CARMIL1: variants seen among roughly 807,000 people sequenced by gnomAD.
CARMIL1 encodes the protein capping protein regulator and myosin 1 linker 1, also known as F-actin-uncapping protein LRRC16A.
CARMIL1 carries 90 observed loss-of-function variants against 177.1 expected under a neutral mutation model. That is an observed-to-expected ratio of 0.51 (90% CI 0.43 to 0.61). CARMIL1 has a LOEUF of 0.61. Ranked by LOEUF, CARMIL1 falls within the 20% of genes least tolerant of loss-of-function variation. The pLI, the probability that CARMIL1 is intolerant of heterozygous loss-of-function variation, is 0.00. For missense variants in CARMIL1, 1,380 were observed against 1,667.0 expected, an observed-to-expected ratio of 0.83 and a Z score of 3.00; for synonymous variants, 577 against 606.2, an observed-to-expected ratio of 0.95 and a Z score of 0.71.
At chr6:25,518,565 A>C (rs1806240326) in intron 22 of CARMIL1, among the ~76,000 whole-genome samples, 1 of 152,108 alleles carries the variant, frequency 6.6e-6, no homozygotes, top group South Asian at 2.1e-4. Flanking sequence ...TTACAGACCC[A>C]CCTATGGTTA....
intron 2 of CARMIL1, among the ~76,000 whole-genome samples, chr6:25,333,644 G>T (rs1785921335): frequency 6.6e-6 from 1 of 150,976 alleles, no homozygotes; most frequent in African/African-American, 2.4e-5. Context: ...TGACAGTGGA[G>T]GGTTTTTTTT....
At chr6:25,481,560 A>G (rs757945595) in intron 11 of CARMIL1, among the ~76,000 whole-genome samples, 7 of 152,226 alleles carry the variant, frequency 4.6e-5, no homozygotes, top group Admixed American at 3.9e-4. Context: ...AAGGACCTGT[A>G]TGAAGGGCAT....
rs1785038917 is a variant in CARMIL1, at chr6:25,325,791, A to G, written c.138+40882A>G. Among the ~76,000 whole-genome samples, 5 of 152,244 alleles carry G rather than the reference A, an allele frequency of 3.3e-5. No homozygotes were observed. The South Asian group carries it at 6.2e-4, about 19-fold the overall frequency. ...ATATGCATACACTTCCACACTAATT[A>G]TGGTAAGGGCTAAAACTTATTGAAA... is the stretch of plus-strand genomic sequence containing the variant. On this transcript the variant is annotated intron_variant, in intron 2 of 36. Transcript: ENST00000329474.
At chr6:25,611,869 T>C (rs1305031080) in intron 36 of CARMIL1, among the ~76,000 whole-genome samples, 2 of 152,220 alleles carry the variant, frequency 1.3e-5, no homozygotes, top group Non-Finnish European at 2.9e-5. Flanking sequence ...TGGATACCAC[T>C]GCAGGCTCTT....
chr6:25,397,223 A>G (rs1296773103), intron 2 of CARMIL1, among the ~76,000 whole-genome samples: 1 of 152,174 alleles, frequency 6.6e-6, no homozygotes, highest in Non-Finnish European at 1.5e-5. Context: ...TTTTCCCCCA[A>G]AAAAACCCTT....
In CARMIL1 at chr6:25,560,126, G is replaced by C. The variant is rs75129263; in HGVS notation, c.2742+3276G>C. On this transcript the variant is annotated intron_variant, in intron 29 of 36. Coordinates refer to ENST00000329474, the MANE Select transcript of CARMIL1 (RefSeq NM_017640.6). ...GCGAAGGCTGAAGTAAGAATGATTTGAGTGATTTCTTGGGACCTGTTATCT... is the reference window on the plus strand; with the variant it reads ...GCGAAGGCTGAAGTAAGAATGATTTCAGTGATTTCTTGGGACCTGTTATCT... Among the ~76,000 whole-genome samples, 1,079 of 152,278 alleles carry C rather than the reference G, an allele frequency of 7.1e-3. 11 individuals carry two copies. The highest frequency in any genetic ancestry group is 0.014 in the South Asian group (65 of 4,812).
chr6:25,554,167 G>A lies in CARMIL1; in HGVS notation c.2592+71G>A. The A allele has an allele frequency of 1.9e-6, 2 of 1,045,442 alleles. No individual in the cohort carries two copies. The highest frequency in any genetic ancestry group is 2.0e-5 in the Admixed American group (1 of 50,268). 64.8% of individuals were successfully genotyped at this position (1,045,442 alleles called of 1,614,324 possible). A position where few individuals can be genotyped will look rare whatever the true frequency, so the allele number is the denominator to read the frequency against. ...GCTGTGATGCAGGATGACTTCCGGTGTGGGGATGTGATTTCTTTTCTGTAT... is the reference window on the plus strand; with the variant it reads ...GCTGTGATGCAGGATGACTTCCGGTATGGGGATGTGATTTCTTTTCTGTAT... On this transcript the variant is annotated intron_variant, in intron 28 of 36. Coordinates refer to ENST00000329474, the MANE Select transcript of CARMIL1 (RefSeq NM_017640.6). The surrounding 1 kb of genome is among the most constrained non-coding windows in gnomAD (Gnocchi z 4.6).
chr6:25,281,281 C>T (rs1019012899), intron 1 of CARMIL1, among the ~76,000 whole-genome samples: 2 of 151,966 alleles, frequency 1.3e-5, no homozygotes, highest in African/African-American at 4.8e-5. Context: ...TGCGACCTTT[C>T]CAACACCCCA....
At chr6:25,377,664 C>A (rs1791124470) in intron 2 of CARMIL1, among the ~76,000 whole-genome samples, 1 of 152,156 alleles carries the variant, frequency 6.6e-6, no homozygotes, top group South Asian at 2.1e-4. Flanking sequence ...TTCTCAAGTA[C>A]TGGTTGTAGT....
chr6:25,438,852 CTT>C (rs35250854), intron 5 of CARMIL1, among the ~76,000 whole-genome samples: 14 of 144,476 alleles, frequency 9.7e-5, no homozygotes, highest in African/African-American at 1.5e-4. Context: ...TTATGAAAAT[CTT>C]TTTTTTTTTT....
chr6:25,534,361 A>G (rs1396491620), intron 24 of CARMIL1, among the ~76,000 whole-genome samples: 4 of 152,026 alleles, frequency 2.6e-5, no homozygotes, highest in African/African-American at 7.2e-5. Flanking sequence ...GCCTTAACCC[A>G]TCATTCCAAT....
intron 4 of CARMIL1, among the ~76,000 whole-genome samples, chr6:25,430,222 CTT>C (rs34183473): frequency 6.6e-4 from 92 of 138,748 alleles, no homozygotes; most frequent in East Asian, 2.4e-3. Context: ...ATTGGTTTGT[CTT>C]TTTTTTTTTT....
At chr6:25,433,954 G>A (rs990431762) in intron 4 of CARMIL1, among the ~76,000 whole-genome samples, 1 of 152,152 alleles carries the variant, frequency 6.6e-6, no homozygotes, top group Non-Finnish European at 1.5e-5. Context: ...AAACTGCATT[G>A]CACATTATAA....
intron 2 of CARMIL1, among the ~76,000 whole-genome samples, chr6:25,342,805 A>G (rs16890414): frequency 0.05 from 7,596 of 152,198 alleles, 542 homozygotes; most frequent in African/African-American, 0.17. Flanking sequence ...GCTTTTAGAA[A>G]TCCTTTCCAG....
intron 2 of CARMIL1, among the ~76,000 whole-genome samples, chr6:25,383,404 C>A (rs1305759035): frequency 3.3e-5 from 5 of 151,980 alleles, no homozygotes; most frequent in Non-Finnish European, 7.4e-5. Flanking sequence ...ATATAACAAT[C>A]CATAGAGAAG....
At chr6:25,375,053 A>G (rs1044551748) in intron 2 of CARMIL1, among the ~76,000 whole-genome samples, 6 of 152,186 alleles carry the variant, frequency 3.9e-5, no homozygotes, top group Admixed American at 1.3e-4. Flanking sequence ...TTACATAGGT[A>G]CTTAGTTTTC....
At chr6:25,587,728 A>G (rs1231136387) in intron 31 of CARMIL1, among the ~76,000 whole-genome samples, 1 of 152,234 alleles carries the variant, frequency 6.6e-6, no homozygotes, top group Non-Finnish European at 1.5e-5. Context: ...GTTTACTAAG[A>G]AACAAATTAA....
At chr6:25,366,273 A>G (rs1789786101) in intron 2 of CARMIL1, among the ~76,000 whole-genome samples, 1 of 152,136 alleles carries the variant, frequency 6.6e-6, no homozygotes, top group Non-Finnish European at 1.5e-5. Flanking sequence ...CTGGGATTAC[A>G]GGCATGAGCC....
chr6:25,521,033 T>G (rs1396397838), intron 23 of CARMIL1, among the ~76,000 whole-genome samples: 4 of 152,186 alleles, frequency 2.6e-5, no homozygotes, highest in Non-Finnish European at 5.9e-5. Flanking sequence ...TTTGAACTTT[T>G]CCAACCTCCT....
Sources: gnomAD v4.1 joint callset for allele counts (sites outside exome capture counted in the v4.1 genomes callset) on GRCh38, gnomAD v4.1.1 for gene constraint, Gnocchi (gnomAD v3.1) non-coding constraint, MANE v1.5 for transcripts, NCBI Gene and HGNC (gene_info 2026-07-23, HGNC 2026-07-21) for gene names.